Variants in CNTN1 observed in about 807,000 individuals in gnomAD.
CNTN1 encodes the protein contactin 1.
In CNTN1, 38 loss-of-function variants were observed where a neutral mutation model predicts 126.4. That is an observed-to-expected ratio of 0.30 (90% CI 0.23 to 0.39). The LOEUF is 0.39. CNTN1 is among the 10% of genes least tolerant of loss of function. CNTN1 has a pLI of 1.00. For missense variants in CNTN1, 1,009 were observed against 1,248.4 expected (o/e 0.81, Z 2.89); for synonymous variants, 413 against 422.6 (o/e 0.98, Z 0.28).
At chr12:41,002,577 A>C (rs1382305399) in intron 17 of CNTN1, among the ~76,000 whole-genome samples, 1 of 92,786 alleles carries the variant, frequency 1.1e-5, no homozygotes, top group South Asian at 2.9e-4. Context: ...TTTTTTTTTG[A>C]GATGGAGTCT....
At chr12:41,051,594 A>G (rs1010890569) in intron 23 of CNTN1, among the ~76,000 whole-genome samples, 2 of 152,060 alleles carry the variant, frequency 1.3e-5, no homozygotes, top group African/African-American at 4.8e-5. Flanking sequence ...TTATTCTACA[A>G]TTGTTGAGGA....
At chr12:40,716,479 C>T (rs764269899) in intron 1 of CNTN1, among the ~76,000 whole-genome samples, 3 of 152,130 alleles carry the variant, frequency 2.0e-5, no homozygotes, top group Non-Finnish European at 4.4e-5. Context: ...TGTTGAAAGT[C>T]CCATGTAAGG....
chr12:41,049,402 C>T (rs1021708067), intron 23 of CNTN1, among the ~76,000 whole-genome samples: 9 of 152,214 alleles, frequency 5.9e-5, no homozygotes, highest in Admixed American at 5.9e-4. Flanking sequence ...CAGTTTTACC[C>T]ATCTCAATAA....
chr12:40,764,044 A>G (rs1938976053), intron 1 of CNTN1, among the ~76,000 whole-genome samples: 1 of 152,218 alleles, frequency 6.6e-6, no homozygotes, highest in Non-Finnish European at 1.5e-5. Flanking sequence ...GAGATGGTTT[A>G]TTTCCATCTG....
chr12:40,984,393 G>T (rs527906786), intron 16 of CNTN1, among the ~76,000 whole-genome samples: 51 of 152,246 alleles, frequency 3.3e-4, no homozygotes, highest in Admixed American at 2.8e-3. Context: ...TCACAGTTCT[G>T]CAGGATATAC....
chr12:41,048,960 T>G (rs1949610721), intron 23 of CNTN1, among the ~76,000 whole-genome samples: 1 of 152,176 alleles, frequency 6.6e-6, no homozygotes, highest in Non-Finnish European at 1.5e-5. Context: ...CACAACACCC[T>G]GTCAAAACAG....
At chr12:40,702,805 A>G (rs1205592908) in intron 1 of CNTN1, among the ~76,000 whole-genome samples, 1 of 152,180 alleles carries the variant, frequency 6.6e-6, no homozygotes, top group South Asian at 2.1e-4. Flanking sequence ...TTCTTTCCAC[A>G]TAGTATAGTG....
At chr12:41,056,917 T>TTATATTTAGATATTTATAAATATA (rs1555205942) in intron 23 of CNTN1, among the ~76,000 whole-genome samples, 1 of 70,022 alleles carries the variant, frequency 1.4e-5, no homozygotes, top group East Asian at 3.6e-4. Flanking sequence ...TAAATATTTA[T>TTATATTTAGATATTTATAAATATA]AATATTTAGA....
At chr12:41,033,098 T>C (rs1443877296) in intron 23 of CNTN1, among the ~76,000 whole-genome samples, 1 of 152,210 alleles carries the variant, frequency 6.6e-6, no homozygotes, top group African/African-American at 2.4e-5. Context: ...TAAGACTTCC[T>C]TTTAGACATA....
chr12:40,915,313 T>TA (rs921308584), intron 3 of CNTN1, among the ~76,000 whole-genome samples: 1 of 152,086 alleles, frequency 6.6e-6, no homozygotes, highest in South Asian at 2.1e-4. Context: ...TTCAAAGAGA[T>TA]AAAAAAGCTT....
In CNTN1 at chr12:40,692,849, C is replaced by T. The variant is rs115521763; in HGVS notation, c.-77+257C>T. On this transcript the variant is annotated intron_variant, in intron 1 of 23. Coordinates refer to ENST00000551295, the MANE Select transcript of CNTN1 (RefSeq NM_001843.4). Reference sequence around the variant, plus strand: ...GTGCCCTAGAAGAGGGCTCCGAGCTCGGGGTCTGTGTCTCGTCAACTTTCC... The same window carrying T: ...GTGCCCTAGAAGAGGGCTCCGAGCTTGGGGTCTGTGTCTCGTCAACTTTCC... Among the ~76,000 whole-genome samples the T allele has an allele frequency of 9.4e-3, 1,427 of 152,154 alleles. 23 individuals are homozygous for T. Among genetic ancestry groups the T allele is most frequent in the African/African-American group, 0.029 (1,221 of 41,510 alleles).
intron 14 of CNTN1, among the ~76,000 whole-genome samples, chr12:40,949,418 AC>A (rs538536696): frequency 1.2e-4 from 10 of 83,148 alleles, no homozygotes; most frequent in East Asian, 8.3e-4. Context: ...TGCTATCCCT[AC>A]CCCCCCTCCC....
intron 14 of CNTN1, among the ~76,000 whole-genome samples, chr12:40,947,808 C>CAA (rs1159979744): frequency 3.4e-5 from 5 of 149,124 alleles, no homozygotes; most frequent in Non-Finnish European, 7.4e-5. Flanking sequence ...CACACACACA[C>CAA]ACACACACAC....
intron 3 of CNTN1, among the ~76,000 whole-genome samples, chr12:40,912,480 C>T (rs1945076373): frequency 1.3e-5 from 2 of 151,384 alleles, no homozygotes; most frequent in Admixed American, 6.6e-5. Flanking sequence ...ATCTTTCATT[C>T]CTTTGTAATT....
At chr12:40,787,211 A>T (rs1940056733) in intron 1 of CNTN1, among the ~76,000 whole-genome samples, 1 of 152,114 alleles carries the variant, frequency 6.6e-6, no homozygotes, top group South Asian at 2.1e-4. Flanking sequence ...CTTTATCTTT[A>T]TAACTTTTAT....
chr12:40,874,841 G>T (rs1207136712), intron 1 of CNTN1, among the ~76,000 whole-genome samples: 1 of 152,128 alleles, frequency 6.6e-6, no homozygotes, highest in Non-Finnish European at 1.5e-5. Flanking sequence ...TTACTTCTCA[G>T]GCAATGATTT....
intron 1 of CNTN1, among the ~76,000 whole-genome samples, chr12:40,694,637 C>A (rs551459396): frequency 6.6e-6 from 1 of 152,284 alleles, no homozygotes; most frequent in South Asian, 2.1e-4. Context: ...TGTATCCCTA[C>A]AAAATTTAAT....
chr12:41,038,478 T>G (rs1022261729), intron 23 of CNTN1, among the ~76,000 whole-genome samples: 1 of 152,090 alleles, frequency 6.6e-6, no homozygotes, highest in African/African-American at 2.4e-5. Context: ...GCATGTGTGT[T>G]GTACTTTCTT....
At chr12:40,918,051 T>C (rs998585894) in intron 3 of CNTN1, among the ~76,000 whole-genome samples, 3 of 152,128 alleles carry the variant, frequency 2.0e-5, no homozygotes, top group Non-Finnish European at 4.4e-5. Context: ...ATCATTAGGC[T>C]CCTTTTGTTT....
Sources: gnomAD v4.1 joint callset for allele counts (sites outside exome capture counted in the v4.1 genomes callset) on GRCh38, gnomAD v4.1.1 for gene constraint, MANE v1.5 for transcripts, NCBI Gene and HGNC (gene_info 2026-07-23, HGNC 2026-07-21) for gene names.